PMS2: variants seen among roughly 807,000 people sequenced by gnomAD.
PMS2 encodes the protein PMS1 homolog 2, mismatch repair system component.
PMS2 carries 69 observed loss-of-function variants against 90.0 expected under a neutral mutation model. That is an observed-to-expected ratio of 0.77 (90% CI 0.63 to 0.94). PMS2 has a LOEUF of 0.94. Ranked by LOEUF, PMS2 falls within the 40% of genes least tolerant of loss-of-function variation. The probability of loss-of-function intolerance (pLI) is 0.00; values close to 1 mark genes in which losing one functional copy is unlikely to be tolerated. For missense variants in PMS2, 966 were observed against 1,040.2 expected, an observed-to-expected ratio of 0.93 and a Z score of 0.98; for synonymous variants, 332 against 375.1, an observed-to-expected ratio of 0.89 and a Z score of 1.33.
chr7:5,994,432 G>T (rs146381203), intron 8 of PMS2, among the ~76,000 whole-genome samples: 2 of 151,222 alleles, frequency 1.3e-5, no homozygotes, highest in Non-Finnish European at 2.9e-5. Flanking sequence ...AGATAGATGC[G>T]CTCCTTAACT....
chr7:5,983,749 T>C (rs1369295186), intron 11 of PMS2, among the ~76,000 whole-genome samples: 3 of 151,532 alleles, frequency 2.0e-5, no homozygotes, highest in East Asian at 3.9e-4. Context: ...CCTCCCAGGT[T>C]CGAGCGATTC....
chr7:6,006,117 TG>T, intron 1 of PMS2, 86 bp from the exon 2 acceptor site: 1 of 1,424,568 alleles, frequency 7.0e-7, no homozygotes, highest in Non-Finnish European at 9.9e-7. Context: ...GACTCAACAC[TG>T]TAAATAATTT....
intron 14 of PMS2, among the ~76,000 whole-genome samples, chr7:5,976,014 G>A (rs1781599062): frequency 1.4e-5 from 2 of 143,954 alleles, no homozygotes; most frequent in African/African-American, 2.5e-5. Context: ...ACCAAGGCGG[G>A]CAGATCATGA....
At chr7:5,983,206 G>A (rs1310499289) in intron 11 of PMS2, among the ~76,000 whole-genome samples, 1 of 151,388 alleles carries the variant, frequency 6.6e-6, no homozygotes, top group Non-Finnish European at 1.5e-5. Context: ...TCCACCTCCC[G>A]GGTTCGAGTG....
intron 9 of PMS2, among the ~76,000 whole-genome samples, chr7:5,990,499 TA>T (rs1159555722): frequency 6.6e-6 from 1 of 152,148 alleles, no homozygotes; most frequent in Non-Finnish European, 1.5e-5. Flanking sequence ...GGTAAATTGT[TA>T]AAGGAAAAGC....
intron 9 of PMS2, 63 bp downstream of exon 9, chr7:5,991,910 G>C (rs1242457571): frequency 1.2e-5 from 10 of 842,190 alleles, no homozygotes; most frequent in Non-Finnish European, 1.7e-5. Flanking sequence ...CAGAGCTGTA[G>C]AATTTCATTT....
chr7:5,985,264 ATTTTTTTTTTTTTTT>A (rs142453627), intron 11 of PMS2, among the ~76,000 whole-genome samples: 1 of 116,788 alleles, frequency 8.6e-6, no homozygotes, highest in Non-Finnish European at 1.7e-5. Flanking sequence ...TACTTAGCTA[ATTTTTTTTTTTTTTT>A]TTTTTTTTTA....
Position 5,986,878 on chromosome 7 carries a change from T to C in PMS2, c.1887A>G (p.Ile629Met), listed in dbSNP as rs1583314135. The C allele has an allele frequency of 6.2e-7, 1 of 1,614,174 alleles. No individual in the cohort carries two copies. Among genetic ancestry groups the C allele is most frequent in the Non-Finnish European group, 8.5e-7 (1 of 1,180,024 alleles). The change falls in exon 11 of 15, where the codon ATA (isoleucine) becomes ATG (methionine). Residue 629 changes from isoleucine to methionine, a missense_variant. Physicochemically the swap from Ile to Met is conservative, Grantham distance 10. Transcript: ENST00000265849. ...GCTGTGCTTCATGATGTAACTGCTTTATTCGTTTAGCTAAAGAACTCATAG... is the reference window on the plus strand; with the variant it reads ...GCTGTGCTTCATGATGTAACTGCTTCATTCGTTTAGCTAAAGAACTCATAG... ...DFSMSSLAKR[I>M]KQLHHEAQQS...
rs1051285715 is a variant in PMS2, at chr7:5,976,980, G to C, written c.2445+608C>G. 8.1e-5 allele frequency among the ~76,000 whole-genome samples: 10 copies of C among 123,590 alleles called. 1 individual carries two copies. The highest frequency in any genetic ancestry group is 3.2e-4 in the Admixed American group (4 of 12,320). The allele number at this position is 123,590 out of a possible 152,430, so 81.1% of individuals were successfully genotyped here. A position where few individuals can be genotyped will look rare whatever the true frequency, so the allele number is the denominator to read the frequency against. ...TGGTACGTCAAGGCTGCAGTGAGCTGTGATTGTGCCACTGCACTCCAGCCT... is the reference window on the plus strand; with the variant it reads ...TGGTACGTCAAGGCTGCAGTGAGCTCTGATTGTGCCACTGCACTCCAGCCT... On this transcript the variant is annotated intron_variant, in intron 14 of 14. Coordinates refer to ENST00000265849, the MANE Select transcript of PMS2 (RefSeq NM_000535.7).
At chr7:5,992,361 C>G (rs1179256354) in intron 8 of PMS2, among the ~76,000 whole-genome samples, 1 of 151,078 alleles carries the variant, frequency 6.6e-6, no homozygotes, top group Non-Finnish European at 1.5e-5. Flanking sequence ...CTCTTGTTAC[C>G]CAGACTGGAG....
rs192720342 is a variant in PMS2, at chr7:5,987,436, T to A, written c.1329A>T (p.Arg443Ser). The part of the protein sequence containing the change: ...KPHSPKTPEP[R>S]RSPLGQKRGM... The stretch of plus-strand genomic sequence containing the variant: ...CCCTTTTCTGTCCTAGAGGGCTCCT[T>A]CTTGGTTCTGGAGTCTTTGGGCTGT... Residue 443 changes from arginine to serine, a missense_variant, in exon 11 of 15, where the codon AGA becomes AGT. Arg to Ser is a moderately radical substitution (Grantham distance 110, BLOSUM62 -1). Transcript: ENST00000265849. The A allele has an allele frequency of 3.1e-6, 5 of 1,614,146 alleles. No homozygotes were observed. In the Admixed American group the frequency reaches 8.3e-5, roughly 27 times the overall value.
rs1554298002 is a variant in PMS2, at chr7:5,987,539, C to G, written c.1226G>C (p.Gly409Ala). 1 of 1,613,948 alleles carries G rather than the reference C, an allele frequency of 6.2e-7. No homozygotes were observed. The highest frequency in any genetic ancestry group is 1.1e-5 in the South Asian group (1 of 91,082). The change falls in exon 11 of 15, where the codon GGA (glycine) becomes GCA (alanine). Residue 409 changes from glycine (G) to alanine (A), a missense_variant. This residue lies in a region of PMS2 where 871 missense variants were observed against 802.4 expected (regional missense o/e 1.09). Transcript: ENST00000265849. Reference protein sequence around the residue: ...KQDQSPSLRTGEEKKDVSISR... With the variant: ...KQDQSPSLRTAEEKKDVSISR... ...AATGGACACGTCTTTTTTTTCTTCT[C>G]CAGTCCTTAATGAAGGGGATTGATC...
rs1583385976 is a variant in PMS2 at position 5,999,133 on chromosome 7, A to C, written c.680T>G (p.Ile227Ser). 1 of 1,614,134 alleles carries C rather than the reference A, an allele frequency of 6.2e-7. No individual in the cohort carries two copies. Among genetic ancestry groups the C allele is most frequent in the South Asian group, 1.1e-5 (1 of 91,090 alleles). The change falls in exon 6 of 15, where the codon ATC (isoleucine) becomes AGC (serine). Residue 227 changes from isoleucine to serine, a missense_variant. Coordinates refer to ENST00000265849, the MANE Select transcript of PMS2 (RefSeq NM_000535.7). ...CTGCTTCTGCCCAAACACAGAGCCG[A>C]TATTTTCCTTTATGCTGGGGCTTCC... ...TGGSPSIKEN[I>S]GSVFGQKQLQ...
At position 5,997,426 on chromosome 7, in the gene PMS2, G is replaced by GAAA. The variant is rs60794673; in HGVS notation, c.706-6_706-4dup. On this transcript the variant is annotated splice_region_variant and splice_polypyrimidine_tract_variant and intron_variant, in intron 6 of 14. Transcript: ENST00000265849. ...ACAAAAGGAATGAGGCTTTGCAACT[G>GAAA]AAAAAAAAAAAAAAAAATTCACAGT... is the stretch of plus-strand genomic sequence containing the variant. The GAAA allele has an allele frequency of 1.5e-4, 168 of 1,103,008 alleles. No individual in the cohort carries two copies. Among genetic ancestry groups the GAAA allele is most frequent in the Admixed American group, 2.2e-4 (10 of 45,798 alleles). 68.3% of individuals were successfully genotyped at this position (1,103,008 alleles called of 1,614,324 possible). A position where few individuals can be genotyped will look rare whatever the true frequency, so the allele number is the denominator to read the frequency against.
At position 5,986,667 on chromosome 7, in the gene PMS2, G is replaced by C. The variant is rs1782900932; in HGVS notation, c.2006+92C>G. The C allele has an allele frequency of 7.9e-6, 8 of 1,017,056 alleles. No individual in the cohort carries two copies. In the South Asian group the frequency reaches 1.3e-4, roughly 16 times the overall value. The allele number at this position is 1,017,056 out of a possible 1,614,324, so 63.0% of individuals were successfully genotyped here. A position where few individuals can be genotyped will look rare whatever the true frequency, so the allele number is the denominator to read the frequency against. On this transcript the variant is annotated intron_variant, in intron 11 of 14. Transcript: ENST00000265849. ...AGATCATGCCACTGCATTCCAGCCT[G>C]CGCAACAGAGCAAGACTCTGTCTCA...
rs548565999 is a variant in PMS2 at position 5,978,944 on chromosome 7, C to T, written c.2175-248G>A. Among the ~76,000 whole-genome samples, 8 of 149,132 alleles carry T rather than the reference C, an allele frequency of 5.4e-5. No homozygotes were observed. In the East Asian group the frequency reaches 1.4e-3, roughly 26 times the overall value. ...GTGCGGTGGCTCACGCCTGTAATCT[C>T]AGCACTTTAGGAGCCCGAGGCAGGC... On this transcript the variant is annotated intron_variant, in intron 12 of 14. Coordinates refer to ENST00000265849, the MANE Select transcript of PMS2 (RefSeq NM_000535.7).
At chr7:6,005,481 G>C (rs1166317233) in intron 2 of PMS2, among the ~76,000 whole-genome samples, 1 of 152,238 alleles carries the variant, frequency 6.6e-6, no homozygotes, top group East Asian at 1.9e-4. Flanking sequence ...TGGGATTACA[G>C]GCGTGAGCCA....
chr7:5,981,653 C>G (rs1782293360), intron 12 of PMS2, among the ~76,000 whole-genome samples: 1 of 151,484 alleles, frequency 6.6e-6, no homozygotes, highest in East Asian at 1.9e-4. Flanking sequence ...TACTAATACT[C>G]CATACTATCA....
chr7:5,978,347 T>G (rs1423387630), intron 13 of PMS2, among the ~76,000 whole-genome samples: 3 of 147,788 alleles, frequency 2.0e-5, no homozygotes, highest in African/African-American at 7.5e-5. Flanking sequence ...CTCGGCTCAC[T>G]GCAACCTCCA....
Sources: allele counts gnomAD v4.1 joint callset (sites outside exome capture counted in the v4.1 genomes callset), GRCh38; gene constraint gnomAD v4.1.1; regional missense constraint gnomAD v4.1.1; transcripts MANE v1.5; gene names NCBI Gene and HGNC (gene_info 2026-07-23, HGNC 2026-07-21).